The following NPLOC4 variants were observed in gnomAD, a reference collection of about 807,000 sequenced individuals.
NPLOC4 encodes NPL4 homolog, ubiquitin recognition factor, also known as nuclear protein localization protein 4 homolog.
NPLOC4 carries 18 observed loss-of-function variants against 80.6 expected under a neutral mutation model. The observed-to-expected ratio is 0.22, with a 90% confidence interval of 0.15 to 0.33. The LOEUF (loss-of-function observed/expected upper bound fraction) is 0.33, where lower values mean the gene tolerates loss of function less well. NPLOC4 is among the 10% of genes least tolerant of loss of function. The probability of loss-of-function intolerance (pLI) is 1.00; values close to 1 mark genes in which losing one functional copy is unlikely to be tolerated. For missense variants in NPLOC4, 540 were observed against 786.1 expected (o/e 0.69, Z 3.74); for synonymous variants, 313 against 301.5 (o/e 1.04, Z -0.39).
intron 2 of NPLOC4, among the ~76,000 whole-genome samples, chr17:81,623,654 C>T (rs6565607): frequency 0.55 from 82,344 of 151,024 alleles, 23,541 homozygotes; most frequent in East Asian, 0.77. Context: ...AAAAATTAGC[C>T]GGGCGTGGTG....
chr17:81,589,203 C>T, intron 11 of NPLOC4, 99 bp from the exon 12 acceptor site: 7 of 1,090,082 alleles, frequency 6.4e-6, no homozygotes, highest in East Asian at 2.7e-5. Context: ...AAAAACAAAC[C>T]CTCAAGAGTT....
At chr17:81,636,295 G>A (rs2036070236) in intron 1 of NPLOC4, 1 of 152,204 alleles carries the variant, frequency 6.6e-6, no homozygotes, top group South Asian at 2.1e-4. Flanking sequence ...CAGGTAAAAA[G>A]TGAAATCAAC....
intron 12 of NPLOC4, among the ~76,000 whole-genome samples, chr17:81,581,810 G>A (rs941693372): frequency 6.6e-6 from 1 of 152,174 alleles, no homozygotes; most frequent in Non-Finnish European, 1.5e-5. Context: ...TGGCAGAAGG[G>A]TCGTAGCCTG....
intron 8 of NPLOC4, among the ~76,000 whole-genome samples, chr17:81,600,830 T>A (rs1319862550): frequency 6.6e-6 from 1 of 152,204 alleles, no homozygotes; most frequent in East Asian, 1.9e-4. Flanking sequence ...TAGGCAAGAC[T>A]CAAACTGTAA....
At chr17:81,587,842 G>GT (rs2034628866) in intron 12 of NPLOC4, among the ~76,000 whole-genome samples, 3 of 142,700 alleles carry the variant, frequency 2.1e-5, no homozygotes, top group Non-Finnish European at 4.6e-5. Flanking sequence ...CTTATTTTTT[G>GT]TATTTTTTTT....
chr17:81,593,398 C>T (rs572915461), intron 11 of NPLOC4, among the ~76,000 whole-genome samples: 8 of 152,176 alleles, frequency 5.3e-5, no homozygotes, highest in South Asian at 4.2e-4. Context: ...GCTGTCCTCA[C>T]GAGTCAGTCC....
chr17:81,629,592 T>TA, intron 2 of NPLOC4, 133 bp downstream of exon 2: 1 of 680,798 alleles, frequency 1.5e-6, no homozygotes, highest in Non-Finnish European at 2.6e-6. Context: ...CCAACTGTGA[T>TA]AGAGAAAGGC....
At position 81,608,898 on chromosome 17, in the gene NPLOC4, A is replaced by AG. The variant is rs2144235703; in HGVS notation, c.436-77dup. The AG allele has an allele frequency of 1.0e-5, 12 of 1,163,678 alleles. 1 individual carries two copies. In the South Asian group the frequency reaches 1.6e-4, roughly 16 times the overall value. 72.1% of individuals were successfully genotyped at this position (1,163,678 alleles called of 1,614,324 possible). On this transcript the variant is annotated intron_variant, in intron 5 of 16. Coordinates refer to ENST00000331134, the MANE Select transcript of NPLOC4 (RefSeq NM_017921.4). ...CAGGCGCTGAGCCTCTGCTACGCAC[A>AG]GGGGGAGGCCAGCAGCATGGCCTTG...
At chr17:81,583,919 G>A (rs1051227340) in intron 12 of NPLOC4, among the ~76,000 whole-genome samples, 3 of 152,204 alleles carry the variant, frequency 2.0e-5, no homozygotes, top group African/African-American at 4.8e-5. Flanking sequence ...AGGTATAGAT[G>A]CATTTTTAAT....
intron 16 of NPLOC4, chr17:81,563,265 G>A (rs970480232): frequency 6.6e-6 from 1 of 151,928 alleles, no homozygotes; most frequent in African/African-American, 2.4e-5. Context: ...AACAGAAATG[G>A]GGTTTCACCA....
intron 8 of NPLOC4, among the ~76,000 whole-genome samples, chr17:81,601,191 C>A (rs1449393231): frequency 6.6e-6 from 1 of 152,146 alleles, no homozygotes; most frequent in Admixed American, 6.6e-5. Flanking sequence ...AAACCCCAGC[C>A]ATAAGAATAG....
chr17:81,605,212 T>G, intron 7 of NPLOC4, among the ~76,000 whole-genome samples: 1 of 142,936 alleles, frequency 7.0e-6, no homozygotes. Context: ...ACCCGGGAGG[T>G]GGAGCTCGCA....
rs2036042048 is a variant in NPLOC4, at chr17:81,635,450, C to T, written c.15+1466G>A. On this transcript the variant is annotated intron_variant, in intron 1 of 16. Transcript: ENST00000331134. ...ATCTCCAGGTTGGGAAACATGGAGG[C>T]ACCAAGAGGGCCCCTGACTGGAGAG... is the stretch of plus-strand genomic sequence containing the variant. 2.0e-5 allele frequency among the ~76,000 whole-genome samples: 3 copies of T among 151,636 alleles called. No homozygotes were observed. The South Asian group carries it at 6.3e-4, about 32-fold the overall frequency.
chr17:81,581,318 C>T (rs975971619), intron 12 of NPLOC4, among the ~76,000 whole-genome samples: 10 of 131,924 alleles, frequency 7.6e-5, no homozygotes, highest in Non-Finnish European at 1.2e-4. Flanking sequence ...CACTGCATTC[C>T]AGCCTGGGCA....
intron 11 of NPLOC4, among the ~76,000 whole-genome samples, chr17:81,591,476 G>T (rs888233061): frequency 2.0e-5 from 2 of 100,710 alleles, no homozygotes; most frequent in Non-Finnish European, 4.8e-5. Context: ...AAAAAAACCT[G>T]CTCTGGTGTT....
chr17:81,588,153 A>G (rs1400522345), intron 12 of NPLOC4: 2 of 152,246 alleles, frequency 1.3e-5, no homozygotes, highest in Non-Finnish European at 2.9e-5. Flanking sequence ...TGTGAAGACT[A>G]AAAGAAATTA....
intron 15 of NPLOC4, among the ~76,000 whole-genome samples, chr17:81,565,860 G>T (rs1483348183): frequency 6.6e-6 from 1 of 152,226 alleles, no homozygotes; most frequent in African/African-American, 2.4e-5. Flanking sequence ...TGCTGACGGT[G>T]CTCAACAGCC....
chr17:81,627,538 G>A (rs551587135), intron 2 of NPLOC4, among the ~76,000 whole-genome samples: 6 of 151,916 alleles, frequency 3.9e-5, no homozygotes, highest in South Asian at 2.1e-4. Context: ...TCAGGAGTTC[G>A]AGACCAGCCT....
At chr17:81,585,244 CAG>C (rs1291245232) in intron 12 of NPLOC4, among the ~76,000 whole-genome samples, 2 of 138,052 alleles carry the variant, frequency 1.4e-5, no homozygotes, top group Non-Finnish European at 3.1e-5. Context: ...TGGAATAGAA[CAG>C]AGTCCAGTAA....
Sources: allele counts gnomAD v4.1 joint callset (sites outside exome capture counted in the v4.1 genomes callset), GRCh38; gene constraint gnomAD v4.1.1; transcripts MANE v1.5; gene names NCBI Gene and HGNC (gene_info 2026-07-23, HGNC 2026-07-21).